Variants in UBE3C observed in about 807,000 individuals in gnomAD.
UBE3C encodes ubiquitin protein ligase E3C.
Under a neutral mutation model 129.4 loss-of-function variants are expected in UBE3C, and 42 were observed. The ratio of observed to expected loss-of-function variants is 0.32; its 90% CI spans 0.25 to 0.42. The LOEUF (loss-of-function observed/expected upper bound fraction) is 0.42, where lower values mean the gene tolerates loss of function less well. Ranked by LOEUF, UBE3C falls within the 10% of genes least tolerant of loss-of-function variation. UBE3C has a pLI of 1.00. For missense variants in UBE3C, 1,049 were observed against 1,319.1 expected, an observed-to-expected ratio of 0.80 and a Z score of 3.17; for synonymous variants, 510 against 492.4, an observed-to-expected ratio of 1.04 and a Z score of -0.47.
intron 1 of UBE3C, among the ~76,000 whole-genome samples, chr7:157,148,749 T>TC (rs1554419380): frequency 6.7e-6 from 1 of 150,352 alleles, no homozygotes; most frequent in African/African-American, 2.5e-5. Flanking sequence ...TTTTTTTTTT[T>TC]CCTTTAAGAG....
chr7:157,243,062 AAAGG>A (rs1193047767), intron 18 of UBE3C, among the ~76,000 whole-genome samples: 1 of 152,162 alleles, frequency 6.6e-6, no homozygotes, highest in Non-Finnish European at 1.5e-5. Context: ...CTCAAAAAAA[AAAGG>A]AAGCGTCAAC....
chr7:157,251,381 T>C (rs1478383028), intron 19 of UBE3C, among the ~76,000 whole-genome samples: 1 of 152,228 alleles, frequency 6.6e-6, no homozygotes, highest in Admixed American at 6.5e-5. Context: ...TAGAACTCTT[T>C]CTAGCAGAAA....
intron 2 of UBE3C, among the ~76,000 whole-genome samples, chr7:157,168,791 C>T (rs1457439427): frequency 6.6e-6 from 1 of 152,146 alleles, no homozygotes; most frequent in East Asian, 1.9e-4. Context: ...AGAGAAGGGA[C>T]GGCAGGAAAC....
At chr7:157,255,268 A>G (rs1270945771) in intron 21 of UBE3C, among the ~76,000 whole-genome samples, 1 of 152,240 alleles carries the variant, frequency 6.6e-6, no homozygotes, top group East Asian at 1.9e-4. Context: ...TGCCACTTAC[A>G]TCCAAATGAG....
intron 2 of UBE3C, among the ~76,000 whole-genome samples, chr7:157,166,371 C>T (rs577104782): frequency 1.3e-5 from 2 of 152,292 alleles, no homozygotes; most frequent in African/African-American, 4.8e-5. Context: ...GTAAGTTGCT[C>T]ACTTATATCC....
At chr7:157,263,751 ATTTT>A (rs200761950) in intron 22 of UBE3C, among the ~76,000 whole-genome samples, 1 of 124,850 alleles carries the variant, frequency 8.0e-6, no homozygotes, top group Non-Finnish European at 1.7e-5. Context: ...TTTATATTGG[ATTTT>A]TTTTTTTTTT....
chr7:157,192,825 A>T, intron 10 of UBE3C: 1 of 1,228,626 alleles, frequency 8.1e-7, no homozygotes, highest in Non-Finnish European at 1.2e-6. Flanking sequence ...AAACCAGAAG[A>T]CAAGTAACTG....
In UBE3C at chr7:157,163,886, C is replaced by T. The variant is rs747975785; in HGVS notation, c.120+23C>T. 3.7e-6 allele frequency: 6 copies of T among 1,609,614 alleles called. No homozygotes were observed. In the Admixed American group the frequency reaches 1.0e-4, roughly 27 times the overall value. On this transcript the variant is annotated intron_variant, in intron 2 of 22. Transcript: ENST00000348165. ...GAGGTAAAAACAGTTTTGTAATACTCTGTAGATAAGCATTTTTTCTACAGC... is the reference window on the plus strand; with the variant it reads ...GAGGTAAAAACAGTTTTGTAATACTTTGTAGATAAGCATTTTTTCTACAGC...
In UBE3C at chr7:157,267,924, T is replaced by C; in HGVS notation, c.*169T>C. On this transcript the variant is annotated 3_prime_UTR_variant, in exon 23 of 23. Coordinates refer to ENST00000348165, the MANE Select transcript of UBE3C (RefSeq NM_014671.3). ...CTTTTTTAAATGATTTTTATTACGG[T>C]GTGGTCACTTATTTAGATGGACATT... 1.9e-6 allele frequency: 1 copy of C among 529,948 alleles called. No homozygotes were observed. The highest frequency in any genetic ancestry group is 3.2e-6 in the Non-Finnish European group (1 of 315,946). 32.8% of individuals were successfully genotyped at this position (529,948 alleles called of 1,614,324 possible).
At chr7:157,214,402 G>A (rs549424945) in intron 13 of UBE3C, among the ~76,000 whole-genome samples, 19 of 152,232 alleles carry the variant, frequency 1.2e-4, no homozygotes, top group Admixed American at 5.2e-4. Flanking sequence ...TGATCTTTCC[G>A]TTGCCTGACC....
chr7:157,204,827 T>G (rs972143586), intron 11 of UBE3C, among the ~76,000 whole-genome samples: 3 of 152,174 alleles, frequency 2.0e-5, no homozygotes, highest in Non-Finnish European at 4.4e-5. Context: ...ATAAATAATC[T>G]CAAAACAGTC....
At chr7:157,248,635 T>C in intron 19 of UBE3C, 55 bp downstream of exon 19, 2 of 1,566,594 alleles carry the variant, frequency 1.3e-6, no homozygotes, top group South Asian at 2.3e-5. Context: ...CAGCATCTCC[T>C]TGTGTGTGGA....
At chr7:157,239,796 T>C (rs1380372129) in intron 18 of UBE3C, among the ~76,000 whole-genome samples, 1 of 152,126 alleles carries the variant, frequency 6.6e-6, no homozygotes, top group East Asian at 1.9e-4. Flanking sequence ...TGGGGTCTGG[T>C]GCTGAAGCAG....
intron 4 of UBE3C, 72 bp downstream of exon 4, chr7:157,170,522 C>T: frequency 2.9e-6 from 4 of 1,395,286 alleles, no homozygotes; most frequent in Non-Finnish European, 2.8e-6. Flanking sequence ...GTGGAAATGG[C>T]TTCTCATCAG....
intron 8 of UBE3C, 84 bp from the exon 9 acceptor site, chr7:157,183,794 G>A (rs1044052198): frequency 2.8e-5 from 41 of 1,485,252 alleles, no homozygotes; most frequent in Admixed American, 5.9e-5. Context: ...GCCTCTCTGC[G>A]TGTGAGGAAA....
intron 1 of UBE3C, among the ~76,000 whole-genome samples, chr7:157,156,554 C>T (rs1199120288): frequency 6.6e-6 from 1 of 151,906 alleles, no homozygotes; most frequent in East Asian, 1.9e-4. Flanking sequence ...TGATCCACTA[C>T]CCTGGCCTCC....
At chr7:157,159,990 C>A (rs565453923) in intron 1 of UBE3C, among the ~76,000 whole-genome samples, 2 of 152,112 alleles carry the variant, frequency 1.3e-5, no homozygotes, top group South Asian at 4.2e-4. Flanking sequence ...TAAACAGTTT[C>A]TTTTACCTTG....
intron 10 of UBE3C, among the ~76,000 whole-genome samples, chr7:157,196,382 T>C (rs754919508): frequency 6.6e-6 from 1 of 152,188 alleles, no homozygotes; most frequent in Non-Finnish European, 1.5e-5. Context: ...AAGGATGAAG[T>C]GGTGTCTGGG....
chr7:157,250,971 C>A (rs991057927), intron 19 of UBE3C, among the ~76,000 whole-genome samples: 8 of 152,134 alleles, frequency 5.3e-5, no homozygotes, highest in Non-Finnish European at 1.0e-4. Flanking sequence ...GCCGATAATA[C>A]TGGAATCTGT....
Sources: allele counts gnomAD v4.1 joint callset (sites outside exome capture counted in the v4.1 genomes callset), GRCh38; gene constraint gnomAD v4.1.1; transcripts MANE v1.5; gene names NCBI Gene and HGNC (gene_info 2026-07-23, HGNC 2026-07-21).